CACNA2D1: variants seen among roughly 807,000 people sequenced by gnomAD.
CACNA2D1 encodes voltage-dependent calcium channel subunit alpha-2/delta-1.
Under a neutral mutation model 171.5 loss-of-function variants are expected in CACNA2D1, and 53 were observed. The observed-to-expected ratio is 0.31, with a 90% CI of 0.25 to 0.39. The LOEUF (loss-of-function observed/expected upper bound fraction) is 0.39, where lower values mean the gene tolerates loss of function less well. Ranked by LOEUF, CACNA2D1 falls within the 10% of genes least tolerant of loss-of-function variation. The pLI is 1.00. For missense variants in CACNA2D1, 903 were observed against 1,299.8 expected, an observed-to-expected ratio of 0.69 and a Z score of 4.69; for synonymous variants, 442 against 443.1, an observed-to-expected ratio of 1.00 and a Z score of 0.03.
chr7:82,016,621 C>T (rs59657829), intron 12 of CACNA2D1, among the ~76,000 whole-genome samples: 2 of 32,766 alleles, frequency 6.1e-5, no homozygotes, highest in African/African-American at 2.8e-4. Flanking sequence ...CCCCCCCCCC[C>T]CAAAAAAAAA....
In CACNA2D1 at chr7:82,443,528, G is replaced by A; in HGVS notation, c.-69C>T. ...GAAGGAGCGGCGCTGGAAACCGCGG[G>A]CGGAGGAAGAGCAGCACACGCCGCC... is the stretch of plus-strand genomic sequence containing the variant. On this transcript the variant is annotated 5_prime_UTR_variant, in exon 1 of 39. Transcript: ENST00000356860. 1.9e-6 allele frequency: 3 copies of A among 1,570,880 alleles called. No individual in the cohort carries two copies. The highest frequency in any genetic ancestry group is 2.6e-6 in the Non-Finnish European group (3 of 1,159,164).
intron 3 of CACNA2D1, among the ~76,000 whole-genome samples, chr7:82,327,272 C>A (rs1816769257): frequency 6.6e-6 from 1 of 152,158 alleles, no homozygotes; most frequent in African/African-American, 2.4e-5. Flanking sequence ...TTCTTATCCC[C>A]CTTGCAGCCA....
At chr7:82,093,980 A>G (rs566981690) in intron 6 of CACNA2D1, among the ~76,000 whole-genome samples, 168 of 152,300 alleles carry the variant, frequency 1.1e-3, no homozygotes, top group African/African-American at 4.0e-3. Flanking sequence ...ATTCACAAAG[A>G]AGGATCAAAA....
intron 7 of CACNA2D1, among the ~76,000 whole-genome samples, chr7:82,078,256 G>A (rs957019098): frequency 2.0e-5 from 3 of 152,014 alleles, no homozygotes; most frequent in African/African-American, 7.2e-5. Context: ...TAGATTTTTA[G>A]TTTTCTCCCT....
intron 3 of CACNA2D1, among the ~76,000 whole-genome samples, chr7:82,212,037 G>C (rs1411239347): frequency 2.0e-5 from 3 of 152,152 alleles, no homozygotes; most frequent in Admixed American, 6.5e-5. Context: ...CTTTTGGGAA[G>C]TGTCTGTTCA....
At chr7:82,116,483 T>C (rs1789054629) in intron 6 of CACNA2D1, among the ~76,000 whole-genome samples, 3 of 152,154 alleles carry the variant, frequency 2.0e-5, no homozygotes, top group African/African-American at 7.2e-5. Context: ...TAAGGTCTCT[T>C]CCTTTTACCC....
chr7:82,003,964 C>G (rs1798875195), intron 18 of CACNA2D1, among the ~76,000 whole-genome samples: 2 of 152,020 alleles, frequency 1.3e-5, no homozygotes, highest in South Asian at 4.1e-4. Context: ...AGGCTGGTCT[C>G]CAACTCCTGC....
chr7:82,427,244 T>C lies in CACNA2D1; in HGVS notation c.95+16121A>G, dbSNP rs554309973. ...AAAGAGAGGAAAACATCAAACTTCATGATTTTTGCTTTCAGAAAGGAGAAA... is the reference window on the plus strand; with the variant it reads ...AAAGAGAGGAAAACATCAAACTTCACGATTTTTGCTTTCAGAAAGGAGAAA... On this transcript the variant is annotated intron_variant, in intron 1 of 38. Transcript: ENST00000356860. Among the ~76,000 whole-genome samples the C allele has an allele frequency of 2.6e-5, 4 of 152,262 alleles. No homozygotes were observed. The South Asian group carries it at 8.3e-4, about 32-fold the overall frequency.
chr7:82,409,057 T>C (rs752602196), intron 1 of CACNA2D1, among the ~76,000 whole-genome samples: 68 of 152,086 alleles, frequency 4.5e-4, no homozygotes, highest in Non-Finnish European at 7.6e-4. Flanking sequence ...TGAACTATTG[T>C]ACCTAGCTGT....
chr7:82,172,339 A>G (rs1212720212), intron 3 of CACNA2D1, among the ~76,000 whole-genome samples: 1 of 152,122 alleles, frequency 6.6e-6, no homozygotes, highest in Non-Finnish European at 1.5e-5. Context: ...GAAGCAAAAC[A>G]TGAATAAAAT....
At chr7:82,293,828 T>A (rs1005538858) in intron 3 of CACNA2D1, among the ~76,000 whole-genome samples, 1 of 152,204 alleles carries the variant, frequency 6.6e-6, no homozygotes, top group African/African-American at 2.4e-5. Flanking sequence ...TAAAGGCAGC[T>A]TGTGGCTCCT....
intron 10 of CACNA2D1, among the ~76,000 whole-genome samples, chr7:82,054,981 G>A (rs1049462423): frequency 1.3e-5 from 2 of 152,232 alleles, no homozygotes; most frequent in African/African-American, 4.8e-5. Context: ...TAAGGCCAAA[G>A]TAAGAAAGCC....
At chr7:82,338,330 T>A (rs1452487496) in intron 2 of CACNA2D1, among the ~76,000 whole-genome samples, 1 of 152,004 alleles carries the variant, frequency 6.6e-6, no homozygotes, top group Non-Finnish European at 1.5e-5. Context: ...TTAAATTTTT[T>A]ATTTAAAAAA....
intron 9 of CACNA2D1, among the ~76,000 whole-genome samples, chr7:82,064,036 T>G (rs1297833012): frequency 6.6e-6 from 1 of 151,976 alleles, no homozygotes; most frequent in Non-Finnish European, 1.5e-5. Flanking sequence ...AGTTCCAACA[T>G]TAACTTATTT....
intron 3 of CACNA2D1, among the ~76,000 whole-genome samples, chr7:82,196,758 G>C (rs1798893295): frequency 6.6e-6 from 1 of 151,658 alleles, no homozygotes; most frequent in African/African-American, 2.4e-5. Context: ...GATAGATAAA[G>C]ACGATTCAGG....
At chr7:82,380,955 A>G (rs948582347) in intron 1 of CACNA2D1, among the ~76,000 whole-genome samples, 6 of 151,962 alleles carry the variant, frequency 3.9e-5, no homozygotes, top group African/African-American at 1.2e-4. Flanking sequence ...TTGGCCTCCC[A>G]AAGTGCTGGG....
At chr7:82,176,075 T>C (rs1341162523) in intron 3 of CACNA2D1, among the ~76,000 whole-genome samples, 4 of 152,018 alleles carry the variant, frequency 2.6e-5, no homozygotes, top group Non-Finnish European at 5.9e-5. Flanking sequence ...AAGTTCAATT[T>C]TATTTTATTT....
At chr7:81,951,821 T>G (rs1463962011) in intron 38 of CACNA2D1, among the ~76,000 whole-genome samples, 4 of 152,082 alleles carry the variant, frequency 2.6e-5, no homozygotes, top group African/African-American at 9.7e-5. Flanking sequence ...GTCTTTTTCA[T>G]AAAATGACTT....
intron 3 of CACNA2D1, among the ~76,000 whole-genome samples, chr7:82,281,692 C>T (rs1386731807): frequency 5.3e-5 from 8 of 151,900 alleles, no homozygotes; most frequent in South Asian, 2.1e-4. Context: ...GATAAAGATG[C>T]TATTTTTATA....
Sources: allele counts gnomAD v4.1 joint callset (sites outside exome capture counted in the v4.1 genomes callset), GRCh38; gene constraint gnomAD v4.1.1; transcripts MANE v1.5; gene names NCBI Gene and HGNC (gene_info 2026-07-23, HGNC 2026-07-21).